Variants in JAKMIP1 observed in about 807,000 individuals in gnomAD.
The protein encoded by JAKMIP1 is janus kinase and microtubule interacting protein 1.
Under a neutral mutation model 113.0 loss-of-function variants are expected in JAKMIP1, and 33 were observed. The observed-to-expected ratio is 0.29, with a 90% CI of 0.22 to 0.39. The LOEUF (loss-of-function observed/expected upper bound fraction) is 0.39, where lower values mean the gene tolerates loss of function less well. Among genes scored for constraint, JAKMIP1 ranks in the 10% least tolerant of loss-of-function variants. The pLI is 1.00. For synonymous variants in JAKMIP1, 480 were observed against 459.9 expected, an observed-to-expected ratio of 1.04 and a Z score of -0.56; for missense variants, 813 against 1,080.5, an observed-to-expected ratio of 0.75 and a Z score of 3.47.
intron 1 of JAKMIP1, among the ~76,000 whole-genome samples, chr4:6,191,689 C>T (rs2109060443): frequency 6.6e-6 from 1 of 152,308 alleles, no homozygotes; most frequent in East Asian, 1.9e-4. Flanking sequence ...GAGCTTACAG[C>T]TACAGCAGCA....
In JAKMIP1 at chr4:6,094,105, C is replaced by A. The variant is rs1319578886; in HGVS notation, c.625-8476G>T. On this transcript the variant is annotated intron_variant, in intron 3 of 20. Coordinates refer to ENST00000409021, the MANE Select transcript of JAKMIP1 (RefSeq NM_001099433.2). The surrounding 1 kb of genome is among the most constrained non-coding windows in gnomAD (Gnocchi z 4.2). ...CCAGGACTCCCCCGAGAGGCTGGCC[C>A]AGCAGGCATCTATATAGGGAACATG... 6.6e-6 allele frequency among the ~76,000 whole-genome samples: 1 copy of A among 152,052 alleles called. No homozygotes were observed. Among genetic ancestry groups the A allele is most frequent in the Non-Finnish European group, 1.5e-5 (1 of 68,014 alleles).
rs201118091 is a variant in JAKMIP1 at position 6,042,204 on chromosome 4, G to A, written c.2052C>T (p.Thr684=). The change falls in exon 17 of 21, where the codon ACC becomes ACT. Residue 684 remains threonine, a synonymous_variant. Transcript: ENST00000409021. This position sits in a 1 kb window ranked among gnomAD's most constrained non-coding sequence, Gnocchi z 5.2. ...GCATCTTCTGGGTCAGGGCGGCCTC[G>A]GTCCCCTCTATTTGCTTCAGCCACT... ...CEKWLKQIEG[T]EAALTQKMLD... 2.7e-4 allele frequency: 436 copies of A among 1,613,618 alleles called. No individual in the cohort carries two copies. The highest frequency in any genetic ancestry group is 3.3e-4 in the Non-Finnish European group (393 of 1,179,840).
Position 6,112,890 on chromosome 4 carries a change from C to A in JAKMIP1, c.-40G>T. On this transcript the variant is annotated 5_prime_UTR_variant, in exon 2 of 21. Coordinates refer to ENST00000409021, the MANE Select transcript of JAKMIP1 (RefSeq NM_001099433.2). Reference sequence around the variant, plus strand: ...CAGAGTGCTGAGATCCTGCGGTCCACACCTGTTCACGCACGCCAGCCAGCA... The same window carrying A: ...CAGAGTGCTGAGATCCTGCGGTCCAAACCTGTTCACGCACGCCAGCCAGCA... 6.3e-7 allele frequency: 1 copy of A among 1,597,350 alleles called. No homozygotes were observed. The highest frequency in any genetic ancestry group is 8.6e-7 in the Non-Finnish European group (1 of 1,169,246).
chr4:6,145,100 T>C (rs893711172), intron 1 of JAKMIP1, among the ~76,000 whole-genome samples: 2 of 151,974 alleles, frequency 1.3e-5, no homozygotes, highest in Non-Finnish European at 2.9e-5. Flanking sequence ...AACGTGAAAA[T>C]GAAATAAGAA....
At chr4:6,165,988 G>A (rs188325276) in intron 1 of JAKMIP1, among the ~76,000 whole-genome samples, 76 of 152,118 alleles carry the variant, frequency 5.0e-4, no homozygotes, top group South Asian at 2.3e-3. Context: ...TTCTGGGTTC[G>A]CGGACGCATC....
chr4:6,162,798 C>A lies in JAKMIP1; in HGVS notation c.-148+37455G>T, dbSNP rs1723128039. Among the ~76,000 whole-genome samples, 1 of 152,258 alleles carries A rather than the reference C, an allele frequency of 6.6e-6. No individual in the cohort carries two copies. The highest frequency in any genetic ancestry group is 6.5e-5 in the Admixed American group (1 of 15,288). On this transcript the variant is annotated intron_variant, in intron 1 of 20. Transcript: ENST00000409021. This position sits in a 1 kb window ranked among gnomAD's most constrained non-coding sequence, Gnocchi z 5.6. ...AGCCAGGTGTGGGACCCAAGTGTTC[C>A]CCATTCCAAAGCCTGGGTCCCTAAC...
rs1445389831 is a variant in JAKMIP1 at position 6,150,810 on chromosome 4, T to A, written c.-147-37813A>T. On this transcript the variant is annotated intron_variant, in intron 1 of 20. Coordinates refer to ENST00000409021, the MANE Select transcript of JAKMIP1 (RefSeq NM_001099433.2). This position sits in a 1 kb window ranked among gnomAD's most constrained non-coding sequence, Gnocchi z 4.8. ...AGAAAACAGGCAAGAAATTTCCGCA[T>A]CCCAGCTTCAAGCTCCTCCACTTGA... Among the ~76,000 whole-genome samples the A allele has an allele frequency of 6.6e-6, 1 of 152,130 alleles. No homozygotes were observed. The highest frequency in any genetic ancestry group is 2.4e-5 in the African/African-American group (1 of 41,406).
Position 6,084,796 on chromosome 4 carries a change from C to A in JAKMIP1, c.954+50G>T, listed in dbSNP as rs201732196. The A allele has an allele frequency of 2.6e-4, 400 of 1,550,496 alleles. 2 individuals are homozygous for A. The African/African-American group carries it at 5.0e-3, about 20-fold the overall frequency. Reference sequence around the variant, plus strand: ...CAGGGCATGTTTCAGGGACTCAGGGCCCCTTCCTTGCACCCTATGAGGCAC... The same window carrying A: ...CAGGGCATGTTTCAGGGACTCAGGGACCCTTCCTTGCACCCTATGAGGCAC... On this transcript the variant is annotated intron_variant, in intron 5 of 20. Transcript: ENST00000409021.
chr4:6,050,767 A>G lies in JAKMIP1; in HGVS notation c.1807-88T>C, dbSNP rs1715559319. On this transcript the variant is annotated intron_variant, in intron 13 of 20. Transcript: ENST00000409021. This position sits in a 1 kb window ranked among gnomAD's most constrained non-coding sequence, Gnocchi z 7.4. The stretch of plus-strand genomic sequence containing the variant: ...CCACGTTACTCAGCAAAAACCAAGG[A>G]ATTCCAGTGGGCACAGACGTTACTA... The G allele has an allele frequency of 9.6e-7, 1 of 1,044,280 alleles. No individual in the cohort carries two copies. Among genetic ancestry groups the G allele is most frequent in the Non-Finnish European group, 1.4e-6 (1 of 692,414 alleles). 64.7% of individuals were successfully genotyped at this position (1,044,280 alleles called of 1,614,324 possible).
chr4:6,098,913 G>A (rs1265704764), intron 3 of JAKMIP1, among the ~76,000 whole-genome samples: 2 of 152,206 alleles, frequency 1.3e-5, no homozygotes, highest in Non-Finnish European at 2.9e-5. Flanking sequence ...CTTCATGTGA[G>A]TAAAATCATA....
chr4:6,102,772 C>T (rs1434388271), intron 3 of JAKMIP1, among the ~76,000 whole-genome samples: 3 of 118,856 alleles, frequency 2.5e-5, no homozygotes, highest in African/African-American at 3.4e-5. Context: ...CTCACTCTGT[C>T]GCCCAGGCTG....
chr4:6,136,135 G>C lies in JAKMIP1; in HGVS notation c.-147-23138C>G, dbSNP rs908553081. 6.6e-6 allele frequency among the ~76,000 whole-genome samples: 1 copy of C among 152,034 alleles called. No homozygotes were observed. The highest frequency in any genetic ancestry group is 2.4e-5 in the African/African-American group (1 of 41,364). The stretch of plus-strand genomic sequence containing the variant: ...GTGGTGGGTTCCTGTATTCCCAGCT[G>C]CTGGGGAGGCTGAGGCAGGAGAATC... On this transcript the variant is annotated intron_variant, in intron 1 of 20. Coordinates refer to ENST00000409021, the MANE Select transcript of JAKMIP1 (RefSeq NM_001099433.2). This position sits in a 1 kb window ranked among gnomAD's most constrained non-coding sequence, Gnocchi z 5.9.
At position 6,157,651 on chromosome 4, in the gene JAKMIP1, T is replaced by A. The variant is rs1210404544; in HGVS notation, c.-148+42602A>T. 6.6e-6 allele frequency among the ~76,000 whole-genome samples: 1 copy of A among 152,144 alleles called. No individual in the cohort carries two copies. Among genetic ancestry groups the A allele is most frequent in the Non-Finnish European group, 1.5e-5 (1 of 68,022 alleles). ...CCCAGCTCAGCCATCTTCCCCAGCG[T>A]AGCCCTGGACATGCTACCTAACCCC... On this transcript the variant is annotated intron_variant, in intron 1 of 20. Transcript: ENST00000409021. This position sits in a 1 kb window ranked among gnomAD's most constrained non-coding sequence, Gnocchi z 4.7.
In JAKMIP1 at chr4:6,059,799, G is replaced by A. The variant is rs974556231; in HGVS notation, c.1644+625C>T. 1.6e-4 allele frequency among the ~76,000 whole-genome samples: 24 copies of A among 152,098 alleles called. No homozygotes were observed. Among genetic ancestry groups the A allele is most frequent in the Non-Finnish European group, 2.9e-4 (20 of 68,014 alleles). On this transcript the variant is annotated intron_variant, in intron 11 of 20. Coordinates refer to ENST00000409021, the MANE Select transcript of JAKMIP1 (RefSeq NM_001099433.2). The surrounding 1 kb of genome is among the most constrained non-coding windows in gnomAD (Gnocchi z 4.8). ...CAGCACTTCTGACACAGAGGAGGCC[G>A]ACCCATACGAACCTTCGCATGCCAC...
Position 6,064,792 on chromosome 4 carries a change from G to A in JAKMIP1, c.1431+88C>T. Reference sequence around the variant, plus strand: ...TCTGGGGTTCAGAACTATAGGCAAGGGAGCGAAACTTGCAACTATCAAAAG... The same window carrying A: ...TCTGGGGTTCAGAACTATAGGCAAGAGAGCGAAACTTGCAACTATCAAAAG... On this transcript the variant is annotated intron_variant, in intron 9 of 20. Coordinates refer to ENST00000409021, the MANE Select transcript of JAKMIP1 (RefSeq NM_001099433.2). This position sits in a 1 kb window ranked among gnomAD's most constrained non-coding sequence, Gnocchi z 4.3. 2 of 1,553,766 alleles carry A rather than the reference G, an allele frequency of 1.3e-6. No homozygotes were observed. Among genetic ancestry groups the A allele is most frequent in the Non-Finnish European group, 8.8e-7 (1 of 1,132,462 alleles).
At chr4:6,078,549 A>G (rs1320435646) in intron 8 of JAKMIP1, among the ~76,000 whole-genome samples, 1 of 152,116 alleles carries the variant, frequency 6.6e-6, no homozygotes, top group African/African-American at 2.4e-5. Context: ...AAAAGACTAC[A>G]GTTCTGCATG....
intron 3 of JAKMIP1, among the ~76,000 whole-genome samples, chr4:6,095,049 GGAAGGAAA>G (rs1436638592): frequency 1.4e-5 from 2 of 142,940 alleles, no homozygotes; most frequent in Non-Finnish European, 3.0e-5. Flanking sequence ...GAGGGAGGAA[GGAAGGAAA>G]GAAGGAAAGT....
Position 6,167,487 on chromosome 4 carries a change from G to C in JAKMIP1, c.-148+32766C>G, listed in dbSNP as rs1419226239. 6.6e-6 allele frequency among the ~76,000 whole-genome samples: 1 copy of C among 152,220 alleles called. No individual in the cohort carries two copies. The highest frequency in any genetic ancestry group is 2.4e-5 in the African/African-American group (1 of 41,438). ...GTGGTTAAGGACACAGAGAGGGATG[G>C]TGTCACAGCTGTGCAACCTGGGCCA... On this transcript the variant is annotated intron_variant, in intron 1 of 20. Coordinates refer to ENST00000409021, the MANE Select transcript of JAKMIP1 (RefSeq NM_001099433.2). The surrounding 1 kb of genome is among the most constrained non-coding windows in gnomAD (Gnocchi z 5.3).
At chr4:6,130,635 G>C (rs965746959) in intron 1 of JAKMIP1, among the ~76,000 whole-genome samples, 3 of 152,082 alleles carry the variant, frequency 2.0e-5, no homozygotes, top group Non-Finnish European at 2.9e-5. Flanking sequence ...AATGGAAAAA[G>C]CAGACAACAT....
Sources: gnomAD v4.1 joint callset for allele counts (sites outside exome capture counted in the v4.1 genomes callset) on GRCh38, gnomAD v4.1.1 for gene constraint, Gnocchi (gnomAD v3.1) non-coding constraint, MANE v1.5 for transcripts, NCBI Gene and HGNC (gene_info 2026-07-23, HGNC 2026-07-21) for gene names.